Variants in RELB observed in about 807,000 individuals in gnomAD.
RELB encodes the protein RELB proto-oncogene, NF-kB subunit.
A neutral mutation model predicts 55.4 loss-of-function variants in RELB; 14 were observed. The ratio of observed to expected loss-of-function variants is 0.25; its 90% CI spans 0.17 to 0.40. The LOEUF is 0.40. RELB is among the 10% of genes least tolerant of loss of function. RELB has a pLI of 1.00. For missense variants in RELB, 669 were observed against 830.7 expected, an observed-to-expected ratio of 0.81 and a Z score of 2.39; for synonymous variants, 409 against 371.3, an observed-to-expected ratio of 1.10 and a Z score of -1.17.
intron 5 of RELB, among the ~76,000 whole-genome samples, chr19:45,022,570 G>A (rs1275735827): frequency 4.7e-5 from 7 of 147,644 alleles, no homozygotes; most frequent in East Asian, 2.0e-4. Context: ...TTTTTGGGAC[G>A]GAGTTTTGCT....
chr19:45,031,742 A>AT (rs890136422), intron 8 of RELB, among the ~76,000 whole-genome samples: 45 of 151,062 alleles, frequency 3.0e-4, no homozygotes, highest in Middle Eastern at 3.4e-3. Context: ...TGCCCGGCTA[A>AT]TTTTTTTGTA....
intron 2 of RELB, chr19:45,008,385 A>G (rs1330577478): frequency 8.8e-6 from 4 of 455,880 alleles, no homozygotes; most frequent in African/African-American, 8.0e-5. Context: ...ACAGCCGCCC[A>G]GGACTCAGTC....
chr19:45,037,459 C>T lies in RELB; in HGVS notation c.1409C>T (p.Thr470Ile), dbSNP rs1971703541. 1 of 1,607,896 alleles carries T rather than the reference C, an allele frequency of 6.2e-7. No individual in the cohort carries two copies. The highest frequency in any genetic ancestry group is 1.7e-5 in the Admixed American group (1 of 59,256). The change falls in exon 12 of 12, where the codon ACC becomes ATC. Residue 470 changes from threonine to isoleucine, a missense_variant. Thr to Ile is a moderately conservative substitution (Grantham distance 89). Around this residue, in one of 3 missense-constraint regions of RELB, gnomAD observed 341 missense variants for 436.8 expected, o/e 0.78. Coordinates refer to ENST00000221452, the MANE Select transcript of RELB (RefSeq NM_006509.4). Reference protein sequence around the residue: ...LLPDPDFFSGTVSLPGLEPPG... With the variant: ...LLPDPDFFSGIVSLPGLEPPG... ...CCAGACCCTGACTTCTTCTCTGGCACCGTGTCCCTGCCCGGCCTGGAGCCC... is the reference window on the plus strand; with the variant it reads ...CCAGACCCTGACTTCTTCTCTGGCATCGTGTCCCTGCCCGGCCTGGAGCCC...
rs1971550843 is a variant in RELB, at chr19:45,025,727, C to G, written c.876C>G (p.Val292=). 6.2e-7 allele frequency: 1 copy of G among 1,613,888 alleles called. No individual in the cohort carries two copies. The change falls in exon 7 of 12, where the codon GTC becomes GTG. Residue 292 remains valine (V), a synonymous_variant. Transcript: ENST00000221452. The stretch of plus-strand genomic sequence containing the variant: ...TGGATCCTGTGCTTTCCGAGCCCGT[C>G]TATGACAAGAGTGAGTTGAGAGTGC... ...RRMDPVLSEP[V]YDKKSTNTSE...
intron 2 of RELB, among the ~76,000 whole-genome samples, chr19:45,004,744 G>A (rs990514171): frequency 3.3e-5 from 5 of 151,946 alleles, no homozygotes; most frequent in African/African-American, 7.2e-5. Context: ...GCGCATGCCT[G>A]TAATCCCAAA....
intron 2 of RELB, chr19:45,008,788 G>C (rs1971314540): frequency 3.3e-6 from 1 of 305,044 alleles, no homozygotes; most frequent in African/African-American, 2.2e-5. Flanking sequence ...CCTGGCTGCA[G>C]CTGCCTTCCG....
Position 45,001,765 on chromosome 19 carries a change from G to T in RELB, c.106+80G>T, listed in dbSNP as rs34291375. The T allele has an allele frequency of 1.4e-3, 1,263 of 932,718 alleles. 13 individuals carry two copies. The African/African-American group carries it at 0.017, about 13-fold the overall frequency. The allele number at this position is 932,718 out of a possible 1,614,324, so 57.8% of individuals were successfully genotyped here. ...GATTCTGGCGGTCCCGGAGTAGTCT[G>T]GGGGTTCCTATGGGAGTCTAAGGGT... On this transcript the variant is annotated intron_variant, in intron 1 of 11. Coordinates refer to ENST00000221452, the MANE Select transcript of RELB (RefSeq NM_006509.4).
At chr19:45,011,797 T>TGTGTGTGTGTGTGTGTGA (rs1322532535) in intron 3 of RELB, 139 bp from the exon 4 acceptor site, 16 of 69,910 alleles carry the variant, frequency 2.3e-4, no homozygotes, top group Admixed American at 5.9e-4. Flanking sequence ...TGTGTGTGTG[T>TGTGTGTGTGTGTGTGTGA]GAGAGAGAGA....
At chr19:45,003,088 G>T (rs780385010) in intron 2 of RELB, 92 bp downstream of exon 2, 721 of 1,272,448 alleles carry the variant, frequency 5.7e-4, no homozygotes, top group Non-Finnish European at 7.7e-4. Context: ...GGGTTCACGA[G>T]GTCCACCTCA....
chr19:45,037,858 G>T lies in RELB; in HGVS notation c.*68G>T, dbSNP rs1971717694. The T allele has an allele frequency of 1.4e-6, 2 of 1,408,840 alleles. No individual in the cohort carries two copies. The highest frequency in any genetic ancestry group is 1.9e-6 in the Non-Finnish European group (2 of 1,070,936). 87.3% of individuals were successfully genotyped at this position (1,408,840 alleles called of 1,614,324 possible). ...GGAGGAGCCGTGCAATCCCAACCAG[G>T]ATGTCTAGCACCCCCATCCCCTTGG... On this transcript the variant is annotated 3_prime_UTR_variant, in exon 12 of 12. Transcript: ENST00000221452.
intron 3 of RELB, 123 bp from the exon 4 acceptor site, chr19:45,011,791 TGTGTGTGAGAGAGAGAGAGAGA>T (rs1329600867): frequency 1.2e-4 from 33 of 267,310 alleles, no homozygotes; most frequent in Non-Finnish European, 1.6e-4. Flanking sequence ...TGTGTGTGTG[TGTGTGTGAGAGAGAGAGAGAGA>T]GAGAGAGAGA....
At chr19:45,029,965 C>T (rs143948823) in intron 8 of RELB, among the ~76,000 whole-genome samples, 3,206 of 151,932 alleles carry the variant, frequency 0.021, 114 homozygotes, top group African/African-American at 0.073. Context: ...CTCAGGAGTT[C>T]GAGACCAGCC....
Position 45,001,610 on chromosome 19 carries a change from T to A in RELB, c.31T>A (p.Ser11Thr). ...TCGGTCTGGGCCAGCCTCTGGGCCG[T>A]CCGTCCCCACTGGCCGGGCCATGCC... MLRSGPASGP[S>T]VPTGRAMPSR... The change falls in exon 1 of 12, where the codon TCC (serine) becomes ACC (threonine). Residue 11 changes from serine (S) to threonine (T), a missense_variant. By Grantham distance (58) the Ser-to-Thr change is moderately conservative. Transcript: ENST00000221452. The A allele has an allele frequency of 6.6e-7, 1 of 1,515,684 alleles. No homozygotes were observed. Among genetic ancestry groups the A allele is most frequent in the East Asian group, 2.6e-5 (1 of 38,350 alleles). The allele number at this position is 1,515,684 out of a possible 1,614,324, so 93.9% of individuals were successfully genotyped here.
At chr19:45,010,074 A>T (rs1212679385) in intron 3 of RELB, among the ~76,000 whole-genome samples, 4 of 152,088 alleles carry the variant, frequency 2.6e-5, no homozygotes, top group African/African-American at 7.2e-5. Flanking sequence ...CAGAGGCAGG[A>T]GGACTGCTTG....
chr19:45,020,399 T>C (rs571130811), intron 4 of RELB, among the ~76,000 whole-genome samples: 1 of 151,606 alleles, frequency 6.6e-6, no homozygotes, highest in Non-Finnish European at 1.5e-5. Flanking sequence ...AATTTTTGTA[T>C]TTTTTATAGA....
intron 4 of RELB, among the ~76,000 whole-genome samples, chr19:45,021,293 G>A (rs1971483962): frequency 6.6e-6 from 1 of 151,748 alleles, no homozygotes; most frequent in African/African-American, 2.4e-5. Flanking sequence ...CGAACACGGT[G>A]AAACCCCATC....
At chr19:45,017,457 A>AAAAAAAAC (rs1157162142) in intron 4 of RELB, among the ~76,000 whole-genome samples, 1 of 151,350 alleles carries the variant, frequency 6.6e-6, no homozygotes, top group Non-Finnish European at 1.5e-5. Context: ...TCTAAAAAAA[A>AAAAAAAAC]AAAAAACAAT....
rs1971551035 is a variant in RELB, at chr19:45,025,743, T to C, written c.886+6T>C. On this transcript the variant is annotated splice_donor_region_variant and intron_variant, in intron 7 of 11. Transcript: ENST00000221452. ...CGAGCCCGTCTATGACAAGAGTGAG[T>C]TGAGAGTGCTGTGGCCGTTAGGATT... is the stretch of plus-strand genomic sequence containing the variant. 1 of 1,613,476 alleles carries C rather than the reference T, an allele frequency of 6.2e-7. No individual in the cohort carries two copies. The highest frequency in any genetic ancestry group is 1.1e-5 in the South Asian group (1 of 91,070).
At position 45,006,295 on chromosome 19, in the gene RELB, C is replaced by A. The variant is rs187712292; in HGVS notation, c.154+3299C>A. 1.5e-4 allele frequency among the ~76,000 whole-genome samples: 23 copies of A among 152,218 alleles called. No individual in the cohort carries two copies. The East Asian group carries it at 4.5e-3, about 30-fold the overall frequency. ...TCTAGGCTTACTGCAACCTCCGACTCCCGGGTTCAAGCCATCCTCCTGCCT... is the reference window on the plus strand; with the variant it reads ...TCTAGGCTTACTGCAACCTCCGACTACCGGGTTCAAGCCATCCTCCTGCCT... On this transcript the variant is annotated intron_variant, in intron 2 of 11. Coordinates refer to ENST00000221452, the MANE Select transcript of RELB (RefSeq NM_006509.4).
Sources: gnomAD v4.1 joint callset for allele counts (sites outside exome capture counted in the v4.1 genomes callset) on GRCh38, gnomAD v4.1.1 for gene constraint, gnomAD v4.1.1 regional missense constraint, MANE v1.5 for transcripts, NCBI Gene and HGNC (gene_info 2026-07-23, HGNC 2026-07-21) for gene names.